Variants in ESR1 observed in about 807,000 individuals in gnomAD.
ESR1 encodes the protein estrogen receptor.
Under a neutral mutation model 52.7 loss-of-function variants are expected in ESR1, and 12 were observed. That is an observed-to-expected ratio of 0.23 (90% CI 0.15 to 0.37). The LOEUF (loss-of-function observed/expected upper bound fraction) is 0.37. Among genes scored for constraint, ESR1 ranks in the 10% least tolerant of loss-of-function variants. The probability of loss-of-function intolerance (pLI) is 1.00; values close to 1 mark genes in which losing one functional copy is unlikely to be tolerated. For synonymous variants in ESR1, 305 were observed against 316.8 expected (o/e 0.96, Z 0.39); for missense variants, 584 against 779.7 (o/e 0.75, Z 2.99).
At chr6:151,903,724 G>T (rs1287331384) in intron 3 of ESR1, among the ~76,000 whole-genome samples, 1 of 152,182 alleles carries the variant, frequency 6.6e-6, no homozygotes, top group Admixed American at 6.5e-5. Flanking sequence ...CTTGGATTAT[G>T]CTGTCCCACC....
rs761716716 is a variant in ESR1 at position 152,053,474 on chromosome 6, C to A, written c.1236-7517C>A. On this transcript the variant is annotated intron_variant, in intron 5 of 7. Coordinates refer to ENST00000206249, the MANE Select transcript of ESR1 (RefSeq NM_000125.4). This position sits in a 1 kb window ranked among gnomAD's most constrained non-coding sequence, Gnocchi z 4.1. ...AGTCTCTCTTTCTCTTTCCCTCTCT[C>A]TCAATCTTTCTCTTCCTCAGTCTCT... is the stretch of plus-strand genomic sequence containing the variant. Among the ~76,000 whole-genome samples, 3 of 152,000 alleles carry A rather than the reference C, an allele frequency of 2.0e-5. No individual in the cohort carries two copies. Among genetic ancestry groups the A allele is most frequent in the African/African-American group, 2.4e-5 (1 of 41,358 alleles).
intron 2 of ESR1, among the ~76,000 whole-genome samples, chr6:151,880,181 G>GTTTTTTTTTTTT (rs71017515): frequency 3.4e-5 from 4 of 116,356 alleles, no homozygotes; most frequent in Non-Finnish European, 5.0e-5. Flanking sequence ...TTTTTGTTCT[G>GTTTTTTTTTTTT]TTTTTTTTTT....
intron 5 of ESR1, among the ~76,000 whole-genome samples, chr6:152,052,027 G>C (rs9479183): frequency 0.22 from 34,167 of 152,028 alleles, 5,654 homozygotes; most frequent in African/African-American, 0.46. Flanking sequence ...TTATTTGGCT[G>C]AGGGTTTTGC....
At chr6:151,815,907 A>T (rs1583435769) in intron 1 of ESR1, among the ~76,000 whole-genome samples, 1 of 152,238 alleles carries the variant, frequency 6.6e-6, no homozygotes, top group East Asian at 1.9e-4. Context: ...GCATTTTCAT[A>T]ATCCCTGTTG....
intron 1 of ESR1, among the ~76,000 whole-genome samples, chr6:151,658,435 C>A (rs1329720004): frequency 1.3e-5 from 2 of 152,184 alleles, no homozygotes; most frequent in Admixed American, 6.5e-5. Context: ...TTGTTAAAAT[C>A]ATTCTCATTA....
intron 5 of ESR1, among the ~76,000 whole-genome samples, chr6:152,025,672 C>T (rs2128837431): frequency 6.6e-6 from 1 of 151,998 alleles, no homozygotes; most frequent in South Asian, 2.1e-4. Context: ...TTTTTTTCCT[C>T]AAAGAACTAG....
At chr6:151,871,631 C>G (rs972430248) in intron 2 of ESR1, among the ~76,000 whole-genome samples, 1 of 152,114 alleles carries the variant, frequency 6.6e-6, no homozygotes, top group African/African-American at 2.4e-5. Flanking sequence ...TCTCTAACTC[C>G]TGATCTCAGG....
intron 1 of ESR1, among the ~76,000 whole-genome samples, chr6:151,695,098 C>T (rs1205715479): frequency 1.3e-5 from 2 of 152,176 alleles, no homozygotes; most frequent in Non-Finnish European, 2.9e-5. Flanking sequence ...TTGTGGGATG[C>T]TCTCTGATTT....
At chr6:151,924,341 T>A (rs1192291453) in intron 3 of ESR1, among the ~76,000 whole-genome samples, 2 of 152,198 alleles carry the variant, frequency 1.3e-5, no homozygotes, top group Admixed American at 1.3e-4. Flanking sequence ...GCGTCCGGCC[T>A]GCAATTTCTT....
At chr6:151,701,969 A>G (rs1251871910) in exon 2 of ESR1, 1 of 152,186 alleles carries the variant, frequency 6.6e-6, no homozygotes, top group East Asian at 1.9e-4. Context: ...TTGAAAAAGG[A>G]TGTAGATTTT....
At chr6:151,848,597 C>T (rs1562472117) in intron 2 of ESR1, among the ~76,000 whole-genome samples, 4 of 151,950 alleles carry the variant, frequency 2.6e-5, no homozygotes, top group Non-Finnish European at 5.9e-5. Context: ...GTCTGGTCAC[C>T]TTCTGGCTTG....
downstream of ESR1, among the ~76,000 whole-genome samples, chr6:152,105,777 T>TTTA (rs2051058724): frequency 7.9e-6 from 1 of 126,752 alleles, no homozygotes; most frequent in African/African-American, 2.9e-5. Flanking sequence ...GTATGCATCT[T>TTTA]TTTTTTTTTT....
intron 2 of ESR1, among the ~76,000 whole-genome samples, chr6:151,867,015 A>G (rs901460620): frequency 6.6e-6 from 1 of 152,174 alleles, no homozygotes; most frequent in African/African-American, 2.4e-5. Context: ...GCAATGGGGA[A>G]AGGATTCCCT....
At chr6:151,998,188 T>A in intron 4 of ESR1, among the ~76,000 whole-genome samples, 1 of 152,168 alleles carries the variant, frequency 6.6e-6, no homozygotes, top group East Asian at 1.9e-4. Context: ...TAAATTTTTA[T>A]CTTTACCTTT....
At chr6:151,709,409 A>C (rs777942092) in intron 2 of ESR1, among the ~76,000 whole-genome samples, 6 of 152,190 alleles carry the variant, frequency 3.9e-5, no homozygotes, top group Non-Finnish European at 8.8e-5. Context: ...TTGATTCTAC[A>C]TCTTGGCTAT....
At chr6:151,761,367 T>C (rs1303428336) in intron 2 of ESR1, among the ~76,000 whole-genome samples, 1 of 152,144 alleles carries the variant, frequency 6.6e-6, no homozygotes. Flanking sequence ...TTTAGGCCTA[T>C]ACTACCCTAG....
chr6:151,792,501 ACAAT>A (rs990856357), intron 2 of ESR1, among the ~76,000 whole-genome samples: 2 of 151,814 alleles, frequency 1.3e-5, no homozygotes, highest in Non-Finnish European at 2.9e-5. Flanking sequence ...GTGCAGTGGC[ACAAT>A]CATAGTTCAC....
chr6:151,938,229 A>G (rs2034606995), intron 3 of ESR1, among the ~76,000 whole-genome samples: 1 of 152,200 alleles, frequency 6.6e-6, no homozygotes, highest in Admixed American at 6.5e-5. Context: ...GAAGCATAGC[A>G]TATTAAGAAA....
At chr6:151,706,738 G>C (rs1012901508) in intron 2 of ESR1, among the ~76,000 whole-genome samples, 2 of 152,184 alleles carry the variant, frequency 1.3e-5, no homozygotes, top group Non-Finnish European at 2.9e-5. Context: ...CATGGAGGAA[G>C]TGTTTCCAGT....
Sources: allele counts gnomAD v4.1 joint callset (sites outside exome capture counted in the v4.1 genomes callset), GRCh38; gene constraint gnomAD v4.1.1; non-coding constraint Gnocchi (gnomAD v3.1); transcripts MANE v1.5; gene names NCBI Gene and HGNC (gene_info 2026-07-23, HGNC 2026-07-21).